The following KCNQ2 variants were observed in gnomAD, a reference collection of about 807,000 sequenced individuals.
The protein encoded by KCNQ2 is potassium voltage-gated channel subfamily KQT member 2.
KCNQ2 carries 14 observed loss-of-function variants against 84.8 expected under a neutral mutation model. That is an observed-to-expected ratio of 0.17 (90% CI 0.11 to 0.26). The LOEUF (loss-of-function observed/expected upper bound fraction) is 0.26. Ranked by LOEUF, KCNQ2 falls within the 10% of genes least tolerant of loss-of-function variation. The pLI is 1.00. For missense variants in KCNQ2, 788 were observed against 1,254.0 expected (o/e 0.63, Z 5.61); for synonymous variants, 599 against 554.1 (o/e 1.08, Z -1.14).
intron 5 of KCNQ2, among the ~76,000 whole-genome samples, chr20:63,440,181 C>A (rs2081117481): frequency 6.6e-6 from 1 of 152,028 alleles, no homozygotes; most frequent in Non-Finnish European, 1.5e-5. Context: ...GGAGTGGTCT[C>A]CACCGAGCCA....
chr20:63,404,058 G>C lies in KCNQ2; in HGVS notation c.*2586C>G, dbSNP rs895526368. The C allele has an allele frequency of 6.6e-6, 1 of 152,460 alleles. No homozygotes were observed. Among genetic ancestry groups the C allele is most frequent in the African/African-American group, 2.4e-5 (1 of 41,458 alleles). 9.4% of individuals were successfully genotyped at this position (152,460 alleles called of 1,614,324 possible). On this transcript the variant is annotated 3_prime_UTR_variant, in exon 17 of 17. Transcript: ENST00000359125. ...GCACCTTCCCTCTTCCCAGGGCCCA[G>C]AGACTTCCCAGGGGACACACCACAC... is the stretch of plus-strand genomic sequence containing the variant.
Position 63,400,490 on chromosome 20 carries a change from T to C in KCNQ2, c.*6154A>G, listed in dbSNP as rs1228725866. The C allele has an allele frequency of 5.0e-6, 2 of 397,400 alleles. No individual in the cohort carries two copies. Among genetic ancestry groups the C allele is most frequent in the Non-Finnish European group, 8.9e-6 (2 of 225,872 alleles). The allele number at this position is 397,400 out of a possible 1,614,324, so 24.6% of individuals were successfully genotyped here. ...ACGGTGCACAAAGTTGAGATTGAAG[T>C]GTGCGGGGTAACACATCCACCAAAA... On this transcript the variant is annotated 3_prime_UTR_variant, in exon 17 of 17. Coordinates refer to ENST00000359125, the MANE Select transcript of KCNQ2 (RefSeq NM_172107.4). The surrounding 1 kb of genome is among the most constrained non-coding windows in gnomAD (Gnocchi z 8.7).
chr20:63,441,427 G>A (rs1238391951), intron 5 of KCNQ2, among the ~76,000 whole-genome samples: 3 of 152,166 alleles, frequency 2.0e-5, no homozygotes, highest in East Asian at 1.9e-4. Context: ...CGCGGCCACA[G>A]AGTGGGGCTC....
intron 1 of KCNQ2, among the ~76,000 whole-genome samples, chr20:63,469,075 TC>T (rs1471251258): frequency 6.6e-5 from 10 of 152,168 alleles, no homozygotes; most frequent in African/African-American, 2.4e-4. Context: ...GAGGTTCAAC[TC>T]CGTGGTGGAG....
chr20:63,417,502 C>A (rs1268773558), intron 12 of KCNQ2, among the ~76,000 whole-genome samples: 1 of 152,252 alleles, frequency 6.6e-6, no homozygotes, highest in Non-Finnish European at 1.5e-5. Flanking sequence ...AGCCGGTCGG[C>A]CCAACTGTAG....
intron 5 of KCNQ2, 123 bp downstream of exon 5, chr20:63,442,283 G>A (rs1318823828): frequency 1.5e-6 from 2 of 1,317,628 alleles, no homozygotes; most frequent in Non-Finnish European, 2.1e-6. Flanking sequence ...CATGACCACG[G>A]GCAGCCAGCA....
chr20:63,424,451 C>G (rs1247761618), intron 10 of KCNQ2: 11 of 580,834 alleles, frequency 1.9e-5, no homozygotes, highest in African/African-American at 1.7e-4. Context: ...GCGGGGGCCT[C>G]TGCTCTTCTG....
chr20:63,453,527 G>A lies in KCNQ2; in HGVS notation c.297-6690C>T, dbSNP rs566101082. ...ACGGGGTTTTCTCTGAACTCTCAGCGGGGTAGGAGCAGGGGAGGACGCGGG... is the reference window on the plus strand; with the variant it reads ...ACGGGGTTTTCTCTGAACTCTCAGCAGGGTAGGAGCAGGGGAGGACGCGGG... On this transcript the variant is annotated intron_variant, in intron 1 of 16. Transcript: ENST00000359125. 2.0e-5 allele frequency among the ~76,000 whole-genome samples: 3 copies of A among 152,370 alleles called. No homozygotes were observed. The East Asian group carries it at 5.8e-4, about 29-fold the overall frequency.
intron 12 of KCNQ2, 151 bp downstream of exon 12, chr20:63,419,468 G>T: frequency 5.5e-6 from 4 of 727,048 alleles, no homozygotes; most frequent in Non-Finnish European, 9.3e-6. Context: ...GGCTAGAATA[G>T]AGGGAGCTGA....
intron 14 of KCNQ2, 117 bp from the exon 15 acceptor site, chr20:63,413,698 C>A: frequency 9.0e-7 from 1 of 1,110,282 alleles, no homozygotes. Flanking sequence ...ACTTGCCCCT[C>A]TTGTCTGCCG....
Position 63,408,312 on chromosome 20 carries a change from G to A in KCNQ2, c.1887+101C>T. ...GCCATGTAAACCCTAGACTTGAGGA[G>A]CCCTCCGTGGCACCCAGCCCCTGAA... On this transcript the variant is annotated intron_variant, in intron 16 of 16. Transcript: ENST00000359125. This position sits in a 1 kb window ranked among gnomAD's most constrained non-coding sequence, Gnocchi z 5.0. The A allele has an allele frequency of 6.9e-7, 1 of 1,446,536 alleles. No homozygotes were observed. Among genetic ancestry groups the A allele is most frequent in the Non-Finnish European group, 9.5e-7 (1 of 1,054,596 alleles). 89.6% of individuals were successfully genotyped at this position (1,446,536 alleles called of 1,614,324 possible). A position where few individuals can be genotyped will look rare whatever the true frequency, so the allele number is the denominator to read the frequency against.
At chr20:63,453,018 C>T (rs1333018587) in intron 1 of KCNQ2, among the ~76,000 whole-genome samples, 4 of 152,182 alleles carry the variant, frequency 2.6e-5, no homozygotes, top group Non-Finnish European at 5.9e-5. Flanking sequence ...GTGTGGAGGC[C>T]GGGTGGGTCC....
At chr20:63,470,457 G>A (rs1451470837) in intron 1 of KCNQ2, among the ~76,000 whole-genome samples, 4 of 152,232 alleles carry the variant, frequency 2.6e-5, no homozygotes, top group Non-Finnish European at 5.9e-5. Context: ...CCCCAGTTCT[G>A]GACTGCTGCT....
chr20:63,406,316 C>A lies in KCNQ2; in HGVS notation c.*328G>T. 3.2e-6 allele frequency: 1 copy of A among 316,904 alleles called. No individual in the cohort carries two copies. Among genetic ancestry groups the A allele is most frequent in the African/African-American group, 2.1e-5 (1 of 47,078 alleles). 19.6% of individuals were successfully genotyped at this position (316,904 alleles called of 1,614,324 possible). A position where few individuals can be genotyped will look rare whatever the true frequency, so the allele number is the denominator to read the frequency against. On this transcript the variant is annotated 3_prime_UTR_variant, in exon 17 of 17. Transcript: ENST00000359125. ...CCCCCGCCTGTTGCCACGCTGGCAA[C>A]ACCCCGTCATCACTCCCGCCCCTCC... is the stretch of plus-strand genomic sequence containing the variant.
intron 12 of KCNQ2, among the ~76,000 whole-genome samples, 181 bp downstream of exon 12, chr20:63,419,438 C>A (rs941913958): frequency 1.3e-5 from 2 of 152,370 alleles, no homozygotes; most frequent in East Asian, 3.9e-4. Context: ...TCCCCCAGCT[C>A]CGCCCTGCAC....
At chr20:63,426,464 A>C (rs1270097114) in intron 10 of KCNQ2, among the ~76,000 whole-genome samples, 4 of 150,400 alleles carry the variant, frequency 2.7e-5, no homozygotes, top group Non-Finnish European at 5.9e-5. Flanking sequence ...CAAACCTTCA[A>C]GTTCTGGTTT....
intron 15 of KCNQ2, chr20:63,413,187 GCA>G (rs929483899): frequency 5.7e-6 from 3 of 525,560 alleles, no homozygotes; most frequent in South Asian, 2.0e-5. Flanking sequence ...ACACACACAT[GCA>G]CACACACATT....
rs971992122 is a variant in KCNQ2 at position 63,414,770 on chromosome 20, T to G, written c.1525+133A>C. Reference sequence around the variant, plus strand: ...AGGTTGCACAAGTCTCACCTCAATTTTAGAAAGGATAGGGGGTTCCCACTC... The same window carrying G: ...AGGTTGCACAAGTCTCACCTCAATTGTAGAAAGGATAGGGGGTTCCCACTC... On this transcript the variant is annotated intron_variant, in intron 13 of 16. Transcript: ENST00000359125. This position sits in a 1 kb window ranked among gnomAD's most constrained non-coding sequence, Gnocchi z 6.6. 1 of 838,748 alleles carries G rather than the reference T, an allele frequency of 1.2e-6. No individual in the cohort carries two copies. The highest frequency in any genetic ancestry group is 2.0e-6 in the Non-Finnish European group (1 of 499,766). The allele number at this position is 838,748 out of a possible 1,614,324, so 52.0% of individuals were successfully genotyped here. A position where few individuals can be genotyped will look rare whatever the true frequency, so the allele number is the denominator to read the frequency against.
chr20:63,455,684 C>A (rs550888741), intron 1 of KCNQ2, among the ~76,000 whole-genome samples: 1 of 152,196 alleles, frequency 6.6e-6, no homozygotes, highest in East Asian at 1.9e-4. Flanking sequence ...CCCCCACCGC[C>A]CAGTTAAGGC....
Sources: allele counts gnomAD v4.1 joint callset (sites outside exome capture counted in the v4.1 genomes callset), GRCh38; gene constraint gnomAD v4.1.1; non-coding constraint Gnocchi (gnomAD v3.1); transcripts MANE v1.5; gene names NCBI Gene and HGNC (gene_info 2026-07-23, HGNC 2026-07-21).